The following MARK3 variants were observed in gnomAD, a reference collection of about 807,000 sequenced individuals.
MARK3 encodes the protein MAP/microtubule affinity-regulating kinase 3.
In MARK3, 46 loss-of-function variants were observed where a neutral mutation model predicts 90.1. The ratio of observed to expected loss-of-function variants is 0.51; its 90% CI spans 0.40 to 0.65. MARK3 has a LOEUF of 0.65. Ranked by LOEUF, MARK3 falls within the 30% of genes least tolerant of loss-of-function variation. The pLI is 0.00. For synonymous variants in MARK3, 321 were observed against 332.6 expected (o/e 0.97, Z 0.38); for missense variants, 818 against 947.2 (o/e 0.86, Z 1.79).
intron 3 of MARK3, among the ~76,000 whole-genome samples, chr14:103,445,672 C>G (rs977883608): frequency 5.3e-5 from 8 of 152,230 alleles, no homozygotes; most frequent in Non-Finnish European, 1.2e-4. Context: ...TAGTTATCCA[C>G]TGCTGCCTAA....
chr14:103,489,020 G>A (rs2093976740), intron 14 of MARK3, among the ~76,000 whole-genome samples: 1 of 152,194 alleles, frequency 6.6e-6, no homozygotes, highest in African/African-American at 2.4e-5. Flanking sequence ...CTGGTGGGGG[G>A]CACATTGACA....
At chr14:103,456,099 G>A (rs1359928618) in intron 5 of MARK3, among the ~76,000 whole-genome samples, 1 of 152,062 alleles carries the variant, frequency 6.6e-6, no homozygotes, top group African/African-American at 2.4e-5. Context: ...AATTAATGTT[G>A]TGTAAACTGC....
Position 103,465,674 on chromosome 14 carries a change from G to A in MARK3, c.658G>A (p.Ala220Thr). ...DTFCGSPPYAAPELFQGKKYD... is the reference protein window; with the variant it reads ...DTFCGSPPYATPELFQGKKYD... Reference sequence around the variant, plus strand: ...GTTTTGTGGCAGTCCTCCATACGCAGCACCTGAGCTCTTCCAGGGCAAGAA... The same window carrying A: ...GTTTTGTGGCAGTCCTCCATACGCAACACCTGAGCTCTTCCAGGGCAAGAA... The change falls in exon 8 of 18, where the codon GCA becomes ACA. Residue 220 changes from alanine to threonine, a missense_variant. Physicochemically the swap from Ala to Thr is moderately conservative, Grantham distance 58 (BLOSUM62 0). This residue lies in a region of MARK3 where 101 missense variants were observed against 175.1 expected (regional missense o/e 0.58). Coordinates refer to ENST00000429436, the MANE Select transcript of MARK3 (RefSeq NM_001128918.3). The A allele has an allele frequency of 6.2e-7, 1 of 1,614,148 alleles. No homozygotes were observed. Among genetic ancestry groups the A allele is most frequent in the Non-Finnish European group, 8.5e-7 (1 of 1,180,032 alleles).
intron 1 of MARK3, among the ~76,000 whole-genome samples, chr14:103,399,609 G>T (rs1278424665): frequency 6.7e-6 from 1 of 150,206 alleles, no homozygotes; most frequent in African/African-American, 2.5e-5. Flanking sequence ...TGAGGCCAGA[G>T]AATGGCGTGA....
At chr14:103,405,633 G>A (rs966941007) in intron 2 of MARK3, among the ~76,000 whole-genome samples, 63 of 151,890 alleles carry the variant, frequency 4.1e-4, no homozygotes, top group African/African-American at 1.2e-3. Context: ...GAGCCATAGC[G>A]CCTGTAATAT....
At chr14:103,469,785 G>A (rs774817950) in intron 12 of MARK3, among the ~76,000 whole-genome samples, 16 of 151,938 alleles carry the variant, frequency 1.1e-4, no homozygotes, top group Non-Finnish European at 1.6e-4. Context: ...TTTCCTGGCC[G>A]GACATGGTGG....
At chr14:103,422,540 A>G (rs1281815566) in intron 2 of MARK3, among the ~76,000 whole-genome samples, 3 of 152,196 alleles carry the variant, frequency 2.0e-5, no homozygotes, top group African/African-American at 7.2e-5. Context: ...CAAAGTAAAC[A>G]CATTTGAATA....
chr14:103,471,706 C>T (rs1182535784), intron 12 of MARK3, among the ~76,000 whole-genome samples: 1 of 151,968 alleles, frequency 6.6e-6, no homozygotes, highest in Non-Finnish European at 1.5e-5. Flanking sequence ...TTGAGACCCA[C>T]ATGTGAACAC....
rs759338955 is a variant in MARK3, at chr14:103,431,122, C to CTGTT, written c.297+2683_297+2686dup. 1.2e-4 allele frequency among the ~76,000 whole-genome samples: 18 copies of CTGTT among 152,240 alleles called. No individual in the cohort carries two copies. The South Asian group carries it at 3.5e-3, about 30-fold the overall frequency. On this transcript the variant is annotated intron_variant, in intron 3 of 17. Coordinates refer to ENST00000429436, the MANE Select transcript of MARK3 (RefSeq NM_001128918.3). ...TGTTTTTTTGAGATGGAGTCTCGCT[C>CTGTT]TGTTGCCCAGGCTGGAGTGCAGTAG... is the stretch of plus-strand genomic sequence containing the variant.
In MARK3 at chr14:103,463,400, C is replaced by T. The variant is rs1007916193; in HGVS notation, c.540+939C>T. On this transcript the variant is annotated intron_variant, in intron 7 of 17. Transcript: ENST00000429436. The stretch of plus-strand genomic sequence containing the variant: ...GCTGATGGCCCCAAATCCATTCCTA[C>T]GGCCAGAGCACTCTTCTGGGATCCA... Among the ~76,000 whole-genome samples, 12 of 152,282 alleles carry T rather than the reference C, an allele frequency of 7.9e-5. No individual in the cohort carries two copies. In the East Asian group the frequency reaches 1.5e-3, roughly 20 times the overall value.
At chr14:103,442,023 C>G (rs1314964018) in intron 3 of MARK3, among the ~76,000 whole-genome samples, 3 of 151,980 alleles carry the variant, frequency 2.0e-5, no homozygotes, top group Non-Finnish European at 4.4e-5. Flanking sequence ...CTCTCTTAGG[C>G]CATTCATTAA....
At chr14:103,458,807 G>C (rs916393096) in intron 6 of MARK3, 4 of 671,964 alleles carry the variant, frequency 6.0e-6, no homozygotes, top group Non-Finnish European at 1.1e-5. Context: ...TAAGTGATAG[G>C]ACTTATTAAG....
chr14:103,503,363 G>A lies in MARK3; in HGVS notation c.*136G>A, dbSNP rs755409005. The A allele has an allele frequency of 1.7e-5, 14 of 830,556 alleles. No individual in the cohort carries two copies. The highest frequency in any genetic ancestry group is 3.8e-5 in the South Asian group (2 of 53,164). 51.4% of individuals were successfully genotyped at this position (830,556 alleles called of 1,614,324 possible). ...AATTAAAGTCTGAGGACGAGAGCAC[G>A]CCTGGGAGCGAAAGCTGGCCTTTTT... On this transcript the variant is annotated 3_prime_UTR_variant, in exon 18 of 18. Coordinates refer to ENST00000429436, the MANE Select transcript of MARK3 (RefSeq NM_001128918.3).
At chr14:103,423,687 T>TCCCAG (rs954091209) in intron 2 of MARK3, among the ~76,000 whole-genome samples, 1 of 152,152 alleles carries the variant, frequency 6.6e-6, no homozygotes, top group Admixed American at 6.5e-5. Flanking sequence ...GGTGGAGTCA[T>TCCCAG]CCCAGCGGGG....
chr14:103,456,851 T>C (rs2093288735), intron 5 of MARK3, among the ~76,000 whole-genome samples: 1 of 152,228 alleles, frequency 6.6e-6, no homozygotes, highest in South Asian at 2.1e-4. Flanking sequence ...AATTTTCTGT[T>C]TTAATTGCTT....
Position 103,465,963 on chromosome 14 carries a change from T to A in MARK3, c.778-9T>A. 1 of 1,610,152 alleles carries A rather than the reference T, an allele frequency of 6.2e-7. No homozygotes were observed. Among genetic ancestry groups the A allele is most frequent in the South Asian group, 1.1e-5 (1 of 90,038 alleles). ...TTACTCGTTTTCTTTCCTCTGTACCTCTCCAAAGGAACTGAGAGAGAGAGT... is the reference window on the plus strand; with the variant it reads ...TTACTCGTTTTCTTTCCTCTGTACCACTCCAAAGGAACTGAGAGAGAGAGT... On this transcript the variant is annotated splice_polypyrimidine_tract_variant and intron_variant, in intron 8 of 17. Coordinates refer to ENST00000429436, the MANE Select transcript of MARK3 (RefSeq NM_001128918.3).
chr14:103,447,602 G>A (rs1173554806), intron 3 of MARK3, among the ~76,000 whole-genome samples: 1 of 152,164 alleles, frequency 6.6e-6, no homozygotes, highest in Non-Finnish European at 1.5e-5. Context: ...TTGTTTGCAA[G>A]AGGGTTGAAT....
intron 15 of MARK3, among the ~76,000 whole-genome samples, chr14:103,494,965 T>C (rs2075255171): frequency 6.6e-6 from 1 of 152,244 alleles, no homozygotes; most frequent in South Asian, 2.1e-4. Context: ...GTCATATTCA[T>C]TTTATACATA....
At chr14:103,476,691 A>G (rs984252174) in intron 13 of MARK3, among the ~76,000 whole-genome samples, 18 of 150,824 alleles carry the variant, frequency 1.2e-4, no homozygotes, top group African/African-American at 3.0e-4. Flanking sequence ...CTCCAACTCC[A>G]GAAAAACCCT....
Sources: gnomAD v4.1 joint callset for allele counts (sites outside exome capture counted in the v4.1 genomes callset) on GRCh38, gnomAD v4.1.1 for gene constraint, gnomAD v4.1.1 regional missense constraint, MANE v1.5 for transcripts, NCBI Gene and HGNC (gene_info 2026-07-23, HGNC 2026-07-21) for gene names.